SRCIN1: variants seen among roughly 807,000 people sequenced by gnomAD.
The protein encoded by SRCIN1 is P130Cas-associated protein.
SRCIN1 carries 50 observed loss-of-function variants against 116.2 expected under a neutral mutation model. The ratio of observed to expected loss-of-function variants is 0.43; its 90% CI spans 0.34 to 0.54. SRCIN1 has a LOEUF of 0.54. Among genes scored for constraint, SRCIN1 ranks in the 20% least tolerant of loss-of-function variants. The pLI is 0.02. For missense variants in SRCIN1, 1,446 were observed against 1,672.0 expected, an observed-to-expected ratio of 0.86 and a Z score of 2.36; for synonymous variants, 736 against 750.0, an observed-to-expected ratio of 0.98 and a Z score of 0.30.
intron 14 of SRCIN1, 34 bp downstream of exon 14, chr17:38,551,852 T>C (rs771788859): frequency 1.2e-6 from 2 of 1,611,942 alleles, no homozygotes; most frequent in South Asian, 1.1e-5. Context: ...TGAACCTGGC[T>C]CATGGCCCCA....
intron 14 of SRCIN1, chr17:38,551,667 A>G (rs1175972961): frequency 1.4e-6 from 1 of 727,410 alleles, no homozygotes; most frequent in African/African-American, 1.8e-5. Flanking sequence ...TCTTGGGCAA[A>G]CATCATACTG....
intron 15 of SRCIN1, among the ~76,000 whole-genome samples, chr17:38,550,053 C>T (rs1797598963): frequency 6.6e-6 from 1 of 152,270 alleles, no homozygotes; most frequent in African/African-American, 2.4e-5. Flanking sequence ...CGGCATTCAC[C>T]TCTGCTATTA....
chr17:38,542,720 G>A (rs1363721000), intron 18 of SRCIN1: 1 of 203,626 alleles, frequency 4.9e-6, no homozygotes, highest in African/African-American at 2.3e-5. Flanking sequence ...GCAGGGAAGG[G>A]TTCCAAGATT....
At chr17:38,606,658 C>T (rs1440266193), upstream of SRCIN1, among the ~76,000 whole-genome samples, 2 of 152,198 alleles carry the variant, frequency 1.3e-5, no homozygotes, top group African/African-American at 2.4e-5. The surrounding 1 kb of genome is among the most constrained non-coding windows in gnomAD (Gnocchi z 5.2). Context: ...GCTCACGCCT[C>T]GCTTGGCGGC....
rs1327901019 is a variant in SRCIN1, at chr17:38,552,106, G to T, written c.2507C>A (p.Pro836His). Residue 836 changes from proline to histidine, a missense_variant, in exon 14 of 19, where the codon CCC (proline) becomes CAC (histidine). Physicochemically the swap from Pro to His is moderately conservative, Grantham distance 77. Around this residue, in one of 5 missense-constraint regions of SRCIN1, gnomAD observed 531 missense variants for 633.9 expected, o/e 0.84. Transcript: ENST00000617146. The surrounding 1 kb of genome is among the most constrained non-coding windows in gnomAD (Gnocchi z 5.3). Reference sequence around the variant, plus strand: ...GGACTGACTCAGGAGATTGTTGGGGGGTGGCCACACACCCTCATCCACTTG... The same window carrying T: ...GGACTGACTCAGGAGATTGTTGGGGTGTGGCCACACACCCTCATCCACTTG... Reference protein sequence around the residue: ...RRQVDEGVWPPPNNLLSQSPK... With the variant: ...RRQVDEGVWPHPNNLLSQSPK... 2 of 1,612,764 alleles carry T rather than the reference G, an allele frequency of 1.2e-6. No homozygotes were observed. Among genetic ancestry groups the T allele is most frequent in the African/African-American group, 2.7e-5 (2 of 74,896 alleles).
chr17:38,553,027 G>T (rs1366298467), intron 11 of SRCIN1, among the ~76,000 whole-genome samples, 172 bp from the exon 12 acceptor site: 1 of 152,226 alleles, frequency 6.6e-6, no homozygotes, highest in Non-Finnish European at 1.5e-5. Flanking sequence ...GGCTGAGGCA[G>T]GCGGATCACT....
In SRCIN1 at chr17:38,585,252, T is replaced by C. The variant is rs1908048997; in HGVS notation, c.23-6461A>G. Among the ~76,000 whole-genome samples the C allele has an allele frequency of 6.6e-6, 1 of 152,106 alleles. No homozygotes were observed. Among genetic ancestry groups the C allele is most frequent in the Non-Finnish European group, 1.5e-5 (1 of 68,004 alleles). ...TGGAAGGGTGGAGGACCTGCCTGCC[T>C]TAGGCCACACCCACACACACACACA... On this transcript the variant is annotated intron_variant, in intron 1 of 18. Coordinates refer to ENST00000617146, the MANE Select transcript of SRCIN1 (RefSeq NM_025248.3). This position sits in a 1 kb window ranked among gnomAD's most constrained non-coding sequence, Gnocchi z 4.2.
chr17:38,584,617 AT>A (rs1391690937), intron 1 of SRCIN1, among the ~76,000 whole-genome samples: 1 of 152,186 alleles, frequency 6.6e-6, no homozygotes, highest in Non-Finnish European at 1.5e-5. Context: ...TTCTACGTTT[AT>A]TTATCAGCCT....
chr17:38,587,227 C>A (rs1908163881), intron 1 of SRCIN1, among the ~76,000 whole-genome samples: 1 of 152,056 alleles, frequency 6.6e-6, no homozygotes, highest in Non-Finnish European at 1.5e-5. Context: ...GGGGTGGGGT[C>A]CTGGGGACTC....
Position 38,605,777 on chromosome 17 carries a change from C to G in SRCIN1, c.-72G>C. The G allele has an allele frequency of 1.4e-6, 1 of 726,952 alleles. No homozygotes were observed. The highest frequency in any genetic ancestry group is 1.7e-6 in the Non-Finnish European group (1 of 579,886). The allele number at this position is 726,952 out of a possible 1,614,324, so 45.0% of individuals were successfully genotyped here. On this transcript the variant is annotated 5_prime_UTR_variant, in exon 1 of 19. Coordinates refer to ENST00000617146, the MANE Select transcript of SRCIN1 (RefSeq NM_025248.3). ...GCTCGCCCTCTCGCCGCCTCGCGGG[C>G]TCCTCGCTCGGCCCCAGCCCCGGGG... is the stretch of plus-strand genomic sequence containing the variant.
At chr17:38,547,812 A>T (rs1328258956) in intron 17 of SRCIN1, 1 of 232,594 alleles carries the variant, frequency 4.3e-6, no homozygotes, top group African/African-American at 2.4e-5. Context: ...TCCTGGGGGG[A>T]CAGCAAGGTG....
At position 38,558,211 on chromosome 17, in the gene SRCIN1, G is replaced by C; in HGVS notation, c.2201+16C>G. 1.2e-6 allele frequency: 2 copies of C among 1,602,226 alleles called. No individual in the cohort carries two copies. The highest frequency in any genetic ancestry group is 1.7e-6 in the Non-Finnish European group (2 of 1,171,680). ...CCGCACCCCCACCCCTCCCTCCGCCGCGGGCCCAGCCTCACTTGAGCTGCT... is the reference window on the plus strand; with the variant it reads ...CCGCACCCCCACCCCTCCCTCCGCCCCGGGCCCAGCCTCACTTGAGCTGCT... On this transcript the variant is annotated intron_variant, in intron 11 of 18. Transcript: ENST00000617146. The surrounding 1 kb of genome is among the most constrained non-coding windows in gnomAD (Gnocchi z 4.6).
At chr17:38,559,839 CAA>C in intron 9 of SRCIN1, 67 bp from the exon 10 acceptor site, 1 of 1,454,956 alleles carries the variant, frequency 6.9e-7, no homozygotes, top group East Asian at 2.5e-5. Flanking sequence ...TGGGCTGGGA[CAA>C]AGTCCTCCCT....
chr17:38,552,103 G>A lies in SRCIN1; in HGVS notation c.2510C>T (p.Pro837Leu). The change falls in exon 14 of 19, where the codon CCC becomes CTC. Residue 837 changes from proline to leucine, a missense_variant. Pro to Leu is a moderately conservative substitution (Grantham distance 98, BLOSUM62 -3). This residue lies in a region of SRCIN1 where 531 missense variants were observed against 633.9 expected (regional missense o/e 0.84). Coordinates refer to ENST00000617146, the MANE Select transcript of SRCIN1 (RefSeq NM_025248.3). This position sits in a 1 kb window ranked among gnomAD's most constrained non-coding sequence, Gnocchi z 5.3. The part of the protein sequence containing the change: ...RQVDEGVWPP[P>L]NNLLSQSPKK... ...GGGGGACTGACTCAGGAGATTGTTG[G>A]GGGGTGGCCACACACCCTCATCCAC... 6.2e-7 allele frequency: 1 copy of A among 1,613,074 alleles called. No individual in the cohort carries two copies. The highest frequency in any genetic ancestry group is 8.5e-7 in the Non-Finnish European group (1 of 1,179,542).
At position 38,543,908 on chromosome 17, in the gene SRCIN1, G is replaced by T. The variant is rs747179507; in HGVS notation, c.3332C>A (p.Ala1111Glu). The part of the protein sequence containing the change: ...VVTPGASRLK[A>E]AQGQAGSPDK... ...GGGGCTGCCCGCCTGGCCCTGGGCC[G>T]CCTTCAGCCGAGAGGCCCCCGGAGT... Residue 1111 changes from alanine to glutamate, a missense_variant, in exon 18 of 19, where the codon GCG (alanine) becomes GAG (glutamate). This residue lies in a region of SRCIN1 where 531 missense variants were observed against 633.9 expected (regional missense o/e 0.84). Coordinates refer to ENST00000617146, the MANE Select transcript of SRCIN1 (RefSeq NM_025248.3). 2 of 1,604,072 alleles carry T rather than the reference G, an allele frequency of 1.2e-6. No individual in the cohort carries two copies. The highest frequency in any genetic ancestry group is 8.5e-7 in the Non-Finnish European group (1 of 1,178,922).
Position 38,563,670 on chromosome 17 carries a change from A to G in SRCIN1, c.542-149T>C, listed in dbSNP as rs1906453949. The G allele has an allele frequency of 9.0e-7, 1 of 1,110,328 alleles. No individual in the cohort carries two copies. Among genetic ancestry groups the G allele is most frequent in the African/African-American group, 1.5e-5 (1 of 64,848 alleles). The allele number at this position is 1,110,328 out of a possible 1,614,324, so 68.8% of individuals were successfully genotyped here. On this transcript the variant is annotated intron_variant, in intron 4 of 18. Transcript: ENST00000617146. The surrounding 1 kb of genome is among the most constrained non-coding windows in gnomAD (Gnocchi z 5.8). ...CCCCCGAGTGCAGATGCACCCAGGC[A>G]CCTCTCATGCTGCCGGCGGGGGCGC...
At chr17:38,538,029 G>A (rs1177939632) in intron 18 of SRCIN1, among the ~76,000 whole-genome samples, 1 of 151,722 alleles carries the variant, frequency 6.6e-6, no homozygotes, top group Non-Finnish European at 1.5e-5. Flanking sequence ...GAACCCAGGA[G>A]GCAGAGGTTG....
chr17:38,594,620 G>A (rs987330422), intron 1 of SRCIN1, among the ~76,000 whole-genome samples: 3 of 142,502 alleles, frequency 2.1e-5, no homozygotes, highest in African/African-American at 5.0e-5. Flanking sequence ...GGCCAAGTCT[G>A]GGCCCATCAC....
At position 38,551,163 on chromosome 17, in the gene SRCIN1, C is replaced by T; in HGVS notation, c.2954G>A (p.Arg985Lys). The T allele has an allele frequency of 6.5e-7, 1 of 1,543,856 alleles. No homozygotes were observed. Among genetic ancestry groups the T allele is most frequent in the South Asian group, 1.2e-5 (1 of 85,956 alleles). Residue 985 changes from arginine (R) to lysine (K), a missense_variant, in exon 15 of 19, where the codon AGG (arginine) becomes AAG (lysine). Transcript: ENST00000617146. ...CCTACTACTCCCCATACCTGAGCCC[C>T]TCCTCCCACTGGGCTCCGTTCGGGG... ...AAPRTEPSGR[R>K]GSDELTVPRY...
Sources: allele counts gnomAD v4.1 joint callset (sites outside exome capture counted in the v4.1 genomes callset), GRCh38; gene constraint gnomAD v4.1.1; regional missense constraint gnomAD v4.1.1; non-coding constraint Gnocchi (gnomAD v3.1); transcripts MANE v1.5; gene names NCBI Gene and HGNC (gene_info 2026-07-23, HGNC 2026-07-21).